Variants in LRP1B observed in about 807,000 individuals in gnomAD.
LRP1B encodes the protein LDL receptor related protein 1B.
LRP1B carries 217 observed loss-of-function variants against 556.6 expected under a neutral mutation model. The ratio of observed to expected loss-of-function variants is 0.39; its 90% CI spans 0.35 to 0.44. The LOEUF is 0.44. Among genes scored for constraint, LRP1B ranks in the 20% least tolerant of loss-of-function variants. The probability of loss-of-function intolerance (pLI) is 1.00; values close to 1 mark genes in which losing one functional copy is unlikely to be tolerated. For missense variants in LRP1B, 5,053 were observed against 5,620.8 expected (o/e 0.90, Z 3.23); for synonymous variants, 2,047 against 1,865.8 (o/e 1.10, Z -2.50).
chr2:140,525,051 A>T (rs1484282689), intron 49 of LRP1B, among the ~76,000 whole-genome samples: 3 of 151,940 alleles, frequency 2.0e-5, no homozygotes, highest in Non-Finnish European at 2.9e-5. Flanking sequence ...TTGTGTGTGT[A>T]TAAACTTTTG....
At chr2:140,393,301 G>GTAC (rs1684105985) in intron 66 of LRP1B, among the ~76,000 whole-genome samples, 1 of 151,884 alleles carries the variant, frequency 6.6e-6, no homozygotes, top group Admixed American at 6.6e-5. Flanking sequence ...TAATGAACCA[G>GTAC]TAGCTACCTA....
intron 66 of LRP1B, among the ~76,000 whole-genome samples, chr2:140,423,546 T>G (rs544837866): frequency 6.6e-6 from 1 of 152,180 alleles, no homozygotes; most frequent in Admixed American, 6.5e-5. Context: ...TCATCCAAAT[T>G]AAAAAGAATA....
chr2:141,271,177 T>G (rs1019761688), intron 3 of LRP1B, among the ~76,000 whole-genome samples: 4 of 151,700 alleles, frequency 2.6e-5, no homozygotes, highest in African/African-American at 9.7e-5. Flanking sequence ...ATGATAAACT[T>G]GAAGTCATAT....
At chr2:140,424,801 T>C (rs1458327413) in intron 66 of LRP1B, among the ~76,000 whole-genome samples, 1 of 152,192 alleles carries the variant, frequency 6.6e-6, no homozygotes, top group Admixed American at 6.5e-5. Context: ...TTTGAATTGG[T>C]CAATTCTCTT....
rs535711810 is a variant in LRP1B at position 141,612,147 on chromosome 2, T to C, written c.206-131614A>G. On this transcript the variant is annotated intron_variant, in intron 2 of 90. Coordinates refer to ENST00000389484, the MANE Select transcript of LRP1B (RefSeq NM_018557.3). ...GCTTCATTAAATGACTGCTTCAGAA[T>C]TAGTCATCCAGGATGTGAGCCACTG... is the stretch of plus-strand genomic sequence containing the variant. 4.6e-5 allele frequency among the ~76,000 whole-genome samples: 7 copies of C among 152,304 alleles called. No individual in the cohort carries two copies. In the South Asian group the frequency reaches 1.4e-3, roughly 32 times the overall value.
chr2:140,912,712 A>G (rs1694458767), intron 21 of LRP1B, among the ~76,000 whole-genome samples: 1 of 151,730 alleles, frequency 6.6e-6, no homozygotes. Context: ...ATAAGAATAG[A>G]TAAGTAACAA....
intron 1 of LRP1B, among the ~76,000 whole-genome samples, chr2:141,898,250 G>A (rs190266972): frequency 6.6e-6 from 1 of 152,140 alleles, no homozygotes; most frequent in Non-Finnish European, 1.5e-5. Flanking sequence ...TCCCTCAAAG[G>A]CTGCCGGAAA....
At chr2:140,387,635 T>TAA (rs1683818725) in intron 66 of LRP1B, among the ~76,000 whole-genome samples, 1 of 152,030 alleles carries the variant, frequency 6.6e-6, no homozygotes, top group South Asian at 2.1e-4. Context: ...TGCCTGCTAA[T>TAA]AATTATTCAG....
chr2:140,382,293 T>A (rs917442524), intron 67 of LRP1B, among the ~76,000 whole-genome samples: 9 of 152,182 alleles, frequency 5.9e-5, no homozygotes, highest in Non-Finnish European at 1.2e-4. Context: ...AACCTTAATT[T>A]TTAATCACTT....
At chr2:140,258,805 T>C (rs545502246) in intron 86 of LRP1B, among the ~76,000 whole-genome samples, 7 of 152,172 alleles carry the variant, frequency 4.6e-5, no homozygotes, top group Non-Finnish European at 1.0e-4. Context: ...TAGACGGTCC[T>C]CTATACTGTT....
chr2:140,746,697 T>C (rs966534262), intron 35 of LRP1B, among the ~76,000 whole-genome samples: 1 of 152,138 alleles, frequency 6.6e-6, no homozygotes, highest in African/African-American at 2.4e-5. Flanking sequence ...TCTCACCACA[T>C]GCATATGAGG....
intron 2 of LRP1B, among the ~76,000 whole-genome samples, chr2:141,587,386 TTTCTA>T (rs1326142748): frequency 6.6e-6 from 1 of 152,238 alleles, no homozygotes; most frequent in Non-Finnish European, 1.5e-5. Flanking sequence ...GGTGTGCTAC[TTTCTA>T]TAAATAGTGC....
chr2:140,720,749 T>C (rs757189619), intron 35 of LRP1B, among the ~76,000 whole-genome samples: 20 of 152,224 alleles, frequency 1.3e-4, no homozygotes, highest in East Asian at 5.8e-4. Context: ...TCTACGTTAT[T>C]ATGGGCTTTT....
At chr2:140,694,497 C>A (rs928935837) in intron 41 of LRP1B, among the ~76,000 whole-genome samples, 1 of 152,108 alleles carries the variant, frequency 6.6e-6, no homozygotes, top group Non-Finnish European at 1.5e-5. Context: ...TAAGATTTTC[C>A]CTTTTTCATG....
intron 2 of LRP1B, among the ~76,000 whole-genome samples, chr2:141,691,910 A>AT (rs570665667): frequency 2.3e-4 from 35 of 152,062 alleles, no homozygotes; most frequent in African/African-American, 7.9e-4. Flanking sequence ...TGAAACTTAT[A>AT]TTTTTTTGCA....
intron 53 of LRP1B, among the ~76,000 whole-genome samples, chr2:140,504,700 C>T (rs1185418206): frequency 1.3e-5 from 2 of 152,168 alleles, no homozygotes; most frequent in South Asian, 2.1e-4. Flanking sequence ...GCACCAATCA[C>T]CAAGTCATCC....
chr2:141,382,776 G>T (rs551394627), intron 3 of LRP1B, among the ~76,000 whole-genome samples: 2 of 152,296 alleles, frequency 1.3e-5, no homozygotes, highest in South Asian at 4.1e-4. Context: ...GGGTTGCCAG[G>T]TGGTTGTTTG....
chr2:140,984,045 G>A (rs1696848738), intron 17 of LRP1B, among the ~76,000 whole-genome samples: 1 of 151,460 alleles, frequency 6.6e-6, no homozygotes, highest in Non-Finnish European at 1.5e-5. Flanking sequence ...TTTCTGCTGA[G>A]AAAAAAACTA....
chr2:142,020,216 T>C (rs1703286825), intron 1 of LRP1B, among the ~76,000 whole-genome samples: 1 of 152,118 alleles, frequency 6.6e-6, no homozygotes, highest in Non-Finnish European at 1.5e-5. Context: ...ATGAGTGGTA[T>C]AGGAAATGTG....
Sources: allele counts gnomAD v4.1 joint callset (sites outside exome capture counted in the v4.1 genomes callset), GRCh38; gene constraint gnomAD v4.1.1; transcripts MANE v1.5; gene names NCBI Gene and HGNC (gene_info 2026-07-23, HGNC 2026-07-21).